ARHGAP12: variants seen among roughly 807,000 people sequenced by gnomAD.
The protein encoded by ARHGAP12 is Rho GTPase activating protein 12.
A neutral mutation model predicts 108.6 loss-of-function variants in ARHGAP12; 64 were observed. That is an observed-to-expected ratio of 0.59 (90% CI 0.48 to 0.73). The LOEUF (loss-of-function observed/expected upper bound fraction) is 0.73. Among genes scored for constraint, ARHGAP12 ranks in the 30% least tolerant of loss-of-function variants. The probability of loss-of-function intolerance (pLI) is 0.00; values close to 1 mark genes in which losing one functional copy is unlikely to be tolerated. For synonymous variants in ARHGAP12, 312 were observed against 337.2 expected (o/e 0.93, Z 0.82); for missense variants, 940 against 1,005.9 (o/e 0.93, Z 0.89).
At chr10:31,904,553 G>C (rs911939069) in intron 3 of ARHGAP12, among the ~76,000 whole-genome samples, 1 of 152,144 alleles carries the variant, frequency 6.6e-6, no homozygotes, top group East Asian at 1.9e-4. Context: ...ACCCCTGATC[G>C]TGATATTACA....
At chr10:31,888,636 A>G (rs1280217551) in intron 3 of ARHGAP12, among the ~76,000 whole-genome samples, 3 of 152,214 alleles carry the variant, frequency 2.0e-5, no homozygotes, top group Admixed American at 2.0e-4. Flanking sequence ...CTTTGGTCTC[A>G]TGGGCCTAAA....
intron 1 of ARHGAP12, among the ~76,000 whole-genome samples, chr10:31,920,074 C>A (rs1001701581): frequency 2.6e-5 from 4 of 151,006 alleles, no homozygotes; most frequent in African/African-American, 9.7e-5. Flanking sequence ...CAACTGCACT[C>A]CAGCCTGGGT....
chr10:31,895,030 A>G (rs1214853308), intron 3 of ARHGAP12, among the ~76,000 whole-genome samples: 1 of 152,244 alleles, frequency 6.6e-6, no homozygotes, highest in Non-Finnish European at 1.5e-5. Flanking sequence ...TGGTGCTGGG[A>G]AAACTGGTTT....
At chr10:31,820,712 TTATA>T (rs59605145) in intron 11 of ARHGAP12, among the ~76,000 whole-genome samples, 34,690 of 117,916 alleles carry the variant, frequency 0.29, 4,451 homozygotes, top group East Asian at 0.44. Flanking sequence ...TTCCATCATA[TTATA>T]TATATATATA....
intron 1 of ARHGAP12, among the ~76,000 whole-genome samples, chr10:31,926,459 T>C (rs1353219083): frequency 1.3e-5 from 2 of 152,228 alleles, no homozygotes; most frequent in African/African-American, 2.4e-5. Context: ...ATCTGATTCA[T>C]ACTACAAAAT....
At chr10:31,841,743 TG>T (rs1488726303) in intron 7 of ARHGAP12, among the ~76,000 whole-genome samples, 1 of 152,166 alleles carries the variant, frequency 6.6e-6, no homozygotes, top group Non-Finnish European at 1.5e-5. Flanking sequence ...TCAACTTATG[TG>T]GGTTTACTGG....
At chr10:31,911,424 C>G (rs532940733) in intron 1 of ARHGAP12, among the ~76,000 whole-genome samples, 20 of 152,298 alleles carry the variant, frequency 1.3e-4, no homozygotes, top group African/African-American at 4.8e-4. Context: ...AAGCAATTTT[C>G]CCACTTCAGC....
chr10:31,876,338 CA>C (rs907741874), intron 3 of ARHGAP12, among the ~76,000 whole-genome samples: 7 of 151,936 alleles, frequency 4.6e-5, no homozygotes, highest in African/African-American at 1.7e-4. Context: ...GCCAACATGG[CA>C]AAACCCCATC....
At chr10:31,837,739 T>C (rs1168787558) in intron 9 of ARHGAP12, among the ~76,000 whole-genome samples, 2 of 152,156 alleles carry the variant, frequency 1.3e-5, no homozygotes, top group African/African-American at 2.4e-5. Flanking sequence ...TGAAACAGTA[T>C]CTGTGAAAAT....
chr10:31,869,029 T>C (rs930119587), intron 3 of ARHGAP12, among the ~76,000 whole-genome samples: 1 of 152,224 alleles, frequency 6.6e-6, no homozygotes, highest in Non-Finnish European at 1.5e-5. Flanking sequence ...CCAATACATT[T>C]GTATTACAAA....
chr10:31,861,645 G>A lies in ARHGAP12; in HGVS notation c.698C>T (p.Pro233Leu). 1 of 1,603,254 alleles carries A rather than the reference G, an allele frequency of 6.2e-7. No homozygotes were observed. The highest frequency in any genetic ancestry group is 8.5e-7 in the Non-Finnish European group (1 of 1,176,002). The change falls in exon 4 of 20, where the codon CCA (proline) becomes CTA (leucine). Residue 233 changes from proline (P) to leucine (L), a missense_variant. Physicochemically the swap from Pro to Leu is moderately conservative, Grantham distance 98. Coordinates refer to ENST00000344936, the MANE Select transcript of ARHGAP12 (RefSeq NM_018287.7). Reference sequence around the variant, plus strand: ...AGGAGAATCTGGCCTTCCTTGATTTGGAGGTGTGGTTGCCTGTGAAATAAA... The same window carrying A: ...AGGAGAATCTGGCCTTCCTTGATTTAGAGGTGTGGTTGCCTGTGAAATAAA... Reference protein sequence around the residue: ...STEQIRATTPPNQGRPDSPVY... With the variant: ...STEQIRATTPLNQGRPDSPVY...
At chr10:31,873,077 T>A (rs531532961) in intron 3 of ARHGAP12, among the ~76,000 whole-genome samples, 1 of 152,140 alleles carries the variant, frequency 6.6e-6, no homozygotes, top group Non-Finnish European at 1.5e-5. Context: ...AAATATAACA[T>A]GAGCCAGGTA....
intron 3 of ARHGAP12, among the ~76,000 whole-genome samples, chr10:31,907,505 A>C (rs1564426516): frequency 6.6e-6 from 1 of 151,844 alleles, no homozygotes. Flanking sequence ...GTGGTGGCAC[A>C]CACCTGTAGT....
chr10:31,904,066 C>T (rs1187675838), intron 3 of ARHGAP12, among the ~76,000 whole-genome samples: 1 of 152,172 alleles, frequency 6.6e-6, no homozygotes, highest in East Asian at 1.9e-4. Flanking sequence ...TTTCTAAAAA[C>T]TAACCATGCA....
In ARHGAP12 at chr10:31,810,720, T is replaced by G; in HGVS notation, c.1979A>C (p.Asn660Thr). ...TGTGCCATTCTCTCTCTGACACAGA[T>G]TAGCGAGATTGGATCCAAATACCTG... is the stretch of plus-strand genomic sequence containing the variant. ...KDQVFGSNLA[N>T]LCQRENGTVP... is the part of the protein sequence containing the mutation. Residue 660 changes from asparagine to threonine, a missense_variant, in exon 16 of 20, where the codon AAT (asparagine) becomes ACT (threonine). By Grantham distance (65) the Asn-to-Thr change is moderately conservative. Transcript: ENST00000344936. 6.2e-7 allele frequency: 1 copy of G among 1,609,586 alleles called. No homozygotes were observed. The highest frequency in any genetic ancestry group is 2.2e-5 in the East Asian group (1 of 44,638).
At chr10:31,912,257 C>T (rs1411075863) in intron 1 of ARHGAP12, among the ~76,000 whole-genome samples, 1 of 151,976 alleles carries the variant, frequency 6.6e-6, no homozygotes, top group Non-Finnish European at 1.5e-5. Flanking sequence ...CAGAGATGAG[C>T]GAGGGAATAT....
At chr10:31,827,784 C>G (rs895671711) in intron 10 of ARHGAP12, among the ~76,000 whole-genome samples, 7 of 149,932 alleles carry the variant, frequency 4.7e-5, no homozygotes, top group Admixed American at 4.6e-4. Context: ...GAGTGAGACT[C>G]CGTCACCCAG....
chr10:31,834,852 A>G (rs965648873), intron 9 of ARHGAP12, among the ~76,000 whole-genome samples: 2 of 152,198 alleles, frequency 1.3e-5, no homozygotes, highest in African/African-American at 4.8e-5. Context: ...AATTTGACAT[A>G]AAAATAAATA....
At position 31,831,773 on chromosome 10, in the gene ARHGAP12, C is replaced by T. The variant is rs768793761; in HGVS notation, c.1414G>A (p.Val472Ile). ...TTCCCATTTTCAGCAATTTTTGTTA[C>T]ATTTAATAATCCATATTTCTCTTGA... ...KDQEKYGLLN[V>I]TKIAENGKKV... is the part of the protein sequence containing the mutation. Residue 472 changes from valine (V) to isoleucine (I), a missense_variant, in exon 10 of 20, where the codon GTA becomes ATA. Transcript: ENST00000344936. 5 of 1,582,210 alleles carry T rather than the reference C, an allele frequency of 3.2e-6. No individual in the cohort carries two copies. In the South Asian group the frequency reaches 5.6e-5, roughly 18 times the overall value.
Sources: allele counts gnomAD v4.1 joint callset (sites outside exome capture counted in the v4.1 genomes callset), GRCh38; gene constraint gnomAD v4.1.1; transcripts MANE v1.5; gene names NCBI Gene and HGNC (gene_info 2026-07-23, HGNC 2026-07-21).